OGDHL: variants seen among roughly 807,000 people sequenced by gnomAD.
OGDHL encodes 2-oxoglutarate dehydrogenase-like, mitochondrial.
In OGDHL, 79 loss-of-function variants were observed where a neutral mutation model predicts 109.6. The observed-to-expected ratio is 0.72, with a 90% confidence interval of 0.60 to 0.87. OGDHL has a LOEUF of 0.87. OGDHL is among the 40% of genes least tolerant of loss of function. The probability of loss-of-function intolerance (pLI) is 0.00; values close to 1 mark genes in which losing one functional copy is unlikely to be tolerated. For missense variants in OGDHL, 1,275 were observed against 1,362.2 expected (o/e 0.94, Z 1.01); for synonymous variants, 528 against 537.2 (o/e 0.98, Z 0.24).
rs1842058569 is a variant in OGDHL at position 49,744,820 on chromosome 10, G to T, written c.1630-68C>A. 2.4e-6 allele frequency: 3 copies of T among 1,263,914 alleles called. No homozygotes were observed. The South Asian group carries it at 3.6e-5, about 15-fold the overall frequency. 78.3% of individuals were successfully genotyped at this position (1,263,914 alleles called of 1,614,324 possible). A position where few individuals can be genotyped will look rare whatever the true frequency, so the allele number is the denominator to read the frequency against. On this transcript the variant is annotated intron_variant, in intron 12 of 22. Transcript: ENST00000374103. ...CGCAGCCAGACGCCCAGTCCACTTG[G>T]ACTCGTAAGTCCTGGTCCCCATCAC... is the stretch of plus-strand genomic sequence containing the variant.
At chr10:49,746,921 C>T in intron 9 of OGDHL, 43 bp from the exon 10 acceptor site, 2 of 1,613,038 alleles carry the variant, frequency 1.2e-6, no homozygotes, top group Non-Finnish European at 8.5e-7. Context: ...GTGCCCCAGC[C>T]CATGTAGCCC....
In OGDHL at chr10:49,736,355, A is replaced by G; in HGVS notation, c.2754+2T>C. Reference sequence around the variant, plus strand: ...TTGACTGTACAAGGGGTTCAGGCACACCTGCTCCAGGCGCGTGATGGCCAC... The same window carrying G: ...TTGACTGTACAAGGGGTTCAGGCACGCCTGCTCCAGGCGCGTGATGGCCAC... On this transcript the variant is annotated splice_donor_variant, in intron 21 of 22. Transcript: ENST00000374103. LOFTEE classifies it high-confidence loss of function. 1 of 1,614,106 alleles carries G rather than the reference A, an allele frequency of 6.2e-7. No homozygotes were observed. Among genetic ancestry groups the G allele is most frequent in the Non-Finnish European group, 8.5e-7 (1 of 1,180,010 alleles).
chr10:49,747,349 CCT>C (rs1842273185), intron 8 of OGDHL, 141 bp from the exon 9 acceptor site: 1 of 857,264 alleles, frequency 1.2e-6, no homozygotes, highest in African/African-American at 1.7e-5. Flanking sequence ...GTCTCTGACC[CCT>C]CTCTCCTCAT....
intron 1 of OGDHL, among the ~76,000 whole-genome samples, chr10:49,761,810 G>A (rs1282918064): frequency 2.6e-5 from 4 of 152,212 alleles, no homozygotes; most frequent in African/African-American, 4.8e-5. Flanking sequence ...GGTTAAAACC[G>A]TCTATTAGGC....
Position 49,742,854 on chromosome 10 carries a change from C to T in OGDHL, c.1986G>A (p.Gly662=). Residue 662 remains glycine, a synonymous_variant, in exon 15 of 23, where the codon GGG becomes GGA. Transcript: ENST00000374103. The part of the protein sequence containing the change: ...LKEGIHVRLS[G]QDVERGTFSH... ...TGAATGTGCCCCTCTCCACATCCTG[C>T]CCGCTGAGCCGCACGTGGATGCCTT... 1 of 1,613,516 alleles carries T rather than the reference C, an allele frequency of 6.2e-7. No individual in the cohort carries two copies. Among genetic ancestry groups the T allele is most frequent in the Non-Finnish European group, 8.5e-7 (1 of 1,179,852 alleles).
chr10:49,736,181 G>A lies in OGDHL; in HGVS notation c.2755-4C>T, dbSNP rs762632166. 1 of 1,584,292 alleles carries A rather than the reference G, an allele frequency of 6.3e-7. No homozygotes were observed. Among genetic ancestry groups the A allele is most frequent in the South Asian group, 1.2e-5 (1 of 85,102 alleles). On this transcript the variant is annotated splice_region_variant and splice_polypyrimidine_tract_variant and intron_variant, in intron 21 of 22. Transcript: ENST00000374103. The stretch of plus-strand genomic sequence containing the variant: ...GGTCGAAGGGGAATGGAGAGATCTG[G>A]GGAGGCAGAAACAAAGGAGCATAGC...
intron 22 of OGDHL, 54 bp from the exon 23 acceptor site, chr10:49,735,405 C>T (rs982336115): frequency 7.5e-6 from 12 of 1,589,922 alleles, no homozygotes; most frequent in Admixed American, 3.5e-5. Context: ...GCCCCCCAAC[C>T]GCTGCCCTCA....
rs530979768 is a variant in OGDHL at position 49,745,687 on chromosome 10, A to G, written c.1476+111T>C. 34 of 1,370,534 alleles carry G rather than the reference A, an allele frequency of 2.5e-5. No individual in the cohort carries two copies. The South Asian group carries it at 2.7e-4, about 11-fold the overall frequency. The allele number at this position is 1,370,534 out of a possible 1,614,324, so 84.9% of individuals were successfully genotyped here. On this transcript the variant is annotated intron_variant, in intron 11 of 22. Transcript: ENST00000374103. ...TTGCTCTTGGTGGCATAAATCTCTC[A>G]TCCAAGAAGCACTCCCAGCCCTGAG...
chr10:49,736,564 G>A (rs765219266), intron 20 of OGDHL, 44 bp from the exon 21 acceptor site: 1 of 1,595,544 alleles, frequency 6.3e-7, no homozygotes, highest in Non-Finnish European at 8.5e-7. Context: ...GTACCCAGAG[G>A]GGCTGGGGCA....
In OGDHL at chr10:49,745,969, G is replaced by A. The variant is rs960192646; in HGVS notation, c.1305C>T (p.Phe435=). Reference sequence around the variant, plus strand: ...AGCGGGCCATTCGGGGGTCTGTGGTGAATCCAATCTGCAGAGGCAGGAGAA... The same window carrying A: ...AGCGGGCCATTCGGGGGTCTGTGGTAAATCCAATCTGCAGAGGCAGGAGAA... ...VHVVVNNQIG[F]TTDPRMARSS... The change falls in exon 11 of 23, where the codon TTC becomes TTT. Residue 435 remains phenylalanine, a synonymous_variant. Coordinates refer to ENST00000374103, the MANE Select transcript of OGDHL (RefSeq NM_018245.3). 1.2e-6 allele frequency: 2 copies of A among 1,613,890 alleles called. No individual in the cohort carries two copies. Among genetic ancestry groups the A allele is most frequent in the South Asian group, 2.2e-5 (2 of 91,058 alleles).
Position 49,750,267 on chromosome 10 carries a change from C to A in OGDHL, c.897-451G>T, listed in dbSNP as rs559633088. 5.3e-4 allele frequency among the ~76,000 whole-genome samples: 80 copies of A among 152,348 alleles called. 2 individuals are homozygous for A. The South Asian group carries it at 0.014, about 26-fold the overall frequency. ...ATCTGCACATGCCCACTCAGCAGGA[C>A]CCCTGGCCACAGACGTCTCTGTCCC... On this transcript the variant is annotated intron_variant, in intron 7 of 22. Coordinates refer to ENST00000374103, the MANE Select transcript of OGDHL (RefSeq NM_018245.3).
chr10:49,736,896 C>T, intron 20 of OGDHL, among the ~76,000 whole-genome samples: 1 of 152,186 alleles, frequency 6.6e-6, no homozygotes. Flanking sequence ...CAGTCCCCCA[C>T]CACTAAGCAG....
chr10:49,746,031 G>A (rs1234214662), intron 10 of OGDHL, 54 bp from the exon 11 acceptor site: 1 of 1,583,530 alleles, frequency 6.3e-7, no homozygotes, highest in East Asian at 2.3e-5. Flanking sequence ...GAGTGAGATA[G>A]AAGGTGCCAG....
At chr10:49,738,997 G>A (rs1841431455) in intron 17 of OGDHL, 1 of 152,796 alleles carries the variant, frequency 6.5e-6, no homozygotes, top group Non-Finnish European at 1.5e-5. Flanking sequence ...CTGATACCCG[G>A]TGTTGTGAGG....
intron 7 of OGDHL, among the ~76,000 whole-genome samples, chr10:49,750,434 C>T (rs1054962429): frequency 6.6e-6 from 1 of 152,212 alleles, no homozygotes; most frequent in African/African-American, 2.4e-5. Flanking sequence ...CCTCGGCTCA[C>T]CTCCACAGAC....
At position 49,739,803 on chromosome 10, in the gene OGDHL, G is replaced by A. The variant is rs1479991896; in HGVS notation, c.2177C>T (p.Ala726Val). The change falls in exon 17 of 23, where the codon GCC becomes GTC. Residue 726 changes from alanine (A) to valine (V), a missense_variant. Ala to Val is a moderately conservative substitution (Grantham distance 64, BLOSUM62 0). Coordinates refer to ENST00000374103, the MANE Select transcript of OGDHL (RefSeq NM_018245.3). ...AAACTGGGCCTCCCAGAGGACCAGG[G>A]CATTGGGGCTGGCCATGGCATAGCC... Reference protein sequence around the residue: ...ELGYAMASPNALVLWEAQFGD... With the variant: ...ELGYAMASPNVLVLWEAQFGD... The A allele has an allele frequency of 6.2e-7, 1 of 1,614,124 alleles. No individual in the cohort carries two copies. The highest frequency in any genetic ancestry group is 1.7e-5 in the Admixed American group (1 of 60,018).
At chr10:49,745,517 G>A (rs771567974) in intron 11 of OGDHL, 21 bp from the exon 12 acceptor site, 6 of 1,612,780 alleles carry the variant, frequency 3.7e-6, no homozygotes, top group East Asian at 2.2e-5. Context: ...AGCCAGAGGG[G>A]CTCAGGCCCT....
intron 17 of OGDHL, chr10:49,738,587 A>G (rs1841397927): frequency 2.5e-6 from 1 of 401,362 alleles, no homozygotes; most frequent in Non-Finnish European, 4.7e-6. Context: ...TACAGGAGGC[A>G]GAGTTCTAGG....
In OGDHL at chr10:49,738,241, T is replaced by C. The variant is rs748959358; in HGVS notation, c.2341A>G (p.Arg781Gly). 1 of 1,613,350 alleles carries C rather than the reference T, an allele frequency of 6.2e-7. No individual in the cohort carries two copies. Among genetic ancestry groups the C allele is most frequent in the Non-Finnish European group, 8.5e-7 (1 of 1,180,016 alleles). ...EGMGPEHSSA[R>G]PERFLQMSND... ...CTCATCTGCAGGAACCTTTCGGGCC[T>C]CGCTGACGAGTGCTCTGGGCCCTGA... Residue 781 changes from arginine (R) to glycine (G), a missense_variant, in exon 18 of 23, where the codon AGG becomes GGG. Transcript: ENST00000374103.
Sources: gnomAD v4.1 joint callset for allele counts (sites outside exome capture counted in the v4.1 genomes callset) on GRCh38, gnomAD v4.1.1 for gene constraint, MANE v1.5 for transcripts, NCBI Gene and HGNC (gene_info 2026-07-23, HGNC 2026-07-21) for gene names.